INSYN2A: variants seen among roughly 807,000 people sequenced by gnomAD.
INSYN2A encodes the protein inhibitory synaptic factor 2A.
Under a neutral mutation model 39.4 loss-of-function variants are expected in INSYN2A, and 17 were observed. The observed-to-expected ratio is 0.43, with a 90% CI of 0.30 to 0.65. The LOEUF (loss-of-function observed/expected upper bound fraction) is 0.65. Among genes scored for constraint, INSYN2A ranks in the 30% least tolerant of loss-of-function variants. The probability of loss-of-function intolerance (pLI) is 0.14; values close to 1 mark genes in which losing one functional copy is unlikely to be tolerated. For synonymous variants in INSYN2A, 255 were observed against 265.7 expected, an observed-to-expected ratio of 0.96 and a Z score of 0.39; for missense variants, 595 against 631.2, an observed-to-expected ratio of 0.94 and a Z score of 0.61.
intron 2 of INSYN2A, among the ~76,000 whole-genome samples, chr10:127,192,160 T>A (rs1176646212): frequency 6.6e-6 from 1 of 152,224 alleles, no homozygotes; most frequent in Non-Finnish European, 1.5e-5. Flanking sequence ...TTTCTTTTTT[T>A]GCTCAAACTT....
chr10:127,156,552 TC>T (rs2053078594), intron 4 of INSYN2A, among the ~76,000 whole-genome samples: 2 of 96,008 alleles, frequency 2.1e-5, no homozygotes, highest in African/African-American at 3.8e-5. Flanking sequence ...TTCTTCTTCT[TC>T]TTCTTCTTCT....
chr10:127,163,508 T>C (rs2053776330), intron 4 of INSYN2A, among the ~76,000 whole-genome samples: 1 of 152,092 alleles, frequency 6.6e-6, no homozygotes, highest in Admixed American at 6.6e-5. Context: ...AGAAATATCT[T>C]TTGAATAATG....
At chr10:127,147,215 G>A (rs1189681061) in intron 5 of INSYN2A, among the ~76,000 whole-genome samples, 1 of 152,170 alleles carries the variant, frequency 6.6e-6, no homozygotes, top group Non-Finnish European at 1.5e-5. Context: ...GGATTGTGGT[G>A]GACTGGGATG....
chr10:127,143,003 G>T (rs916553886), intron 5 of INSYN2A, among the ~76,000 whole-genome samples: 5 of 152,250 alleles, frequency 3.3e-5, no homozygotes, highest in African/African-American at 9.6e-5. Flanking sequence ...ACTGTGCTAG[G>T]CTTTGTAGTA....
rs1312149977 is a variant in INSYN2A at position 127,177,368 on chromosome 10, G to A, written c.-268-229C>T. Among the ~76,000 whole-genome samples the A allele has an allele frequency of 3.3e-5, 5 of 152,340 alleles. No homozygotes were observed. The East Asian group carries it at 9.6e-4, about 29-fold the overall frequency. On this transcript the variant is annotated intron_variant, in intron 2 of 5. Transcript: ENST00000522781. ...ACTCCTCTCGGGGAATACCAGTGGG[G>A]TAAAATGCCTTCACTTTATTAGGCG...
intron 4 of INSYN2A, among the ~76,000 whole-genome samples, chr10:127,157,127 A>C (rs2053161593): frequency 6.6e-6 from 1 of 152,184 alleles, no homozygotes; most frequent in African/African-American, 2.4e-5. Flanking sequence ...GATACTGCTG[A>C]GTGTTAAGGA....
chr10:127,151,369 G>T (rs558628147), intron 5 of INSYN2A, among the ~76,000 whole-genome samples: 1 of 152,256 alleles, frequency 6.6e-6, no homozygotes, highest in Admixed American at 6.5e-5. Context: ...ATATTACTCT[G>T]CAGACTGTCC....
chr10:127,176,133 A>G lies in INSYN2A; in HGVS notation c.263T>C (p.Met88Thr), dbSNP rs1260706308. The part of the protein sequence containing the change: ...VSCRAAYRKY[M>T]TVPARRSIPN... Reference sequence around the variant, plus strand: ...GATGGACCTGCGTGCGGGCACTGTCATGTATTTGCGGTAGGCTGCTCTGCA... The same window carrying G: ...GATGGACCTGCGTGCGGGCACTGTCGTGTATTTGCGGTAGGCTGCTCTGCA... The change falls in exon 4 of 6, where the codon ATG (methionine) becomes ACG (threonine). Residue 88 changes from methionine to threonine, a missense_variant. Physicochemically the swap from Met to Thr is moderately conservative, Grantham distance 81 (BLOSUM62 -1). Transcript: ENST00000522781. The surrounding 1 kb of genome is among the most constrained non-coding windows in gnomAD (Gnocchi z 4.4). The G allele has an allele frequency of 6.2e-7, 1 of 1,613,806 alleles. No individual in the cohort carries two copies. Among genetic ancestry groups the G allele is most frequent in the Non-Finnish European group, 8.5e-7 (1 of 1,180,002 alleles).
chr10:127,190,799 C>T (rs2056696950), intron 2 of INSYN2A, among the ~76,000 whole-genome samples: 1 of 151,180 alleles, frequency 6.6e-6, no homozygotes, highest in African/African-American at 2.4e-5. Flanking sequence ...GACTTGTCTG[C>T]CAGAAGGTTT....
chr10:127,140,638 A>AAGTCTCTGGGCTGAGTTTGACACACCG (rs2051144524), intron 5 of INSYN2A, among the ~76,000 whole-genome samples: 2 of 147,056 alleles, frequency 1.4e-5, no homozygotes, highest in South Asian at 4.6e-4. Flanking sequence ...TTGACACACC[A>AAGTCTCTGGGCTGAGTTTGACACACCG]AGTCTCTGGG....
At chr10:127,168,298 C>T (rs963664363) in intron 4 of INSYN2A, among the ~76,000 whole-genome samples, 1 of 152,168 alleles carries the variant, frequency 6.6e-6, no homozygotes, top group African/African-American at 2.4e-5. Context: ...AGAGAGACAT[C>T]GAAACTGATT....
chr10:127,144,058 A>G (rs1051002842), intron 5 of INSYN2A, among the ~76,000 whole-genome samples: 2 of 151,996 alleles, frequency 1.3e-5, no homozygotes, highest in East Asian at 3.9e-4. Flanking sequence ...TACCCTCAGA[A>G]CACCCGGTGT....
chr10:127,168,484 C>T (rs1382242525), intron 4 of INSYN2A, among the ~76,000 whole-genome samples: 1 of 152,218 alleles, frequency 6.6e-6, no homozygotes, highest in African/African-American at 2.4e-5. Flanking sequence ...CTGGCCAGAG[C>T]CAGGGAACAC....
At chr10:127,156,470 G>A (rs2053056604) in intron 4 of INSYN2A, among the ~76,000 whole-genome samples, 1 of 151,590 alleles carries the variant, frequency 6.6e-6, no homozygotes, top group South Asian at 2.1e-4. Flanking sequence ...GGACCTTGGA[G>A]TACTTCAGTA....
intron 4 of INSYN2A, among the ~76,000 whole-genome samples, chr10:127,156,781 T>C (rs1486662481): frequency 1.3e-5 from 2 of 152,096 alleles, no homozygotes; most frequent in Non-Finnish European, 2.9e-5. Context: ...TTGGTCAGGC[T>C]GGTCTTGAAC....
chr10:127,190,426 A>G (rs186529156), intron 2 of INSYN2A, among the ~76,000 whole-genome samples: 20 of 152,238 alleles, frequency 1.3e-4, no homozygotes, highest in Non-Finnish European at 2.8e-4. Flanking sequence ...GTTGGTAGCA[A>G]AATCACTGGC....
At chr10:127,172,026 T>G (rs142957481) in intron 4 of INSYN2A, among the ~76,000 whole-genome samples, 1 of 152,214 alleles carries the variant, frequency 6.6e-6, no homozygotes, top group Non-Finnish European at 1.5e-5. Context: ...TTTAACTTGG[T>G]CATTTGAGTT....
At chr10:127,184,797 G>A (rs2056076019) in intron 2 of INSYN2A, among the ~76,000 whole-genome samples, 1 of 152,096 alleles carries the variant, frequency 6.6e-6, no homozygotes, top group African/African-American at 2.4e-5. Flanking sequence ...CCTTCCTCAT[G>A]GATAGTCTGT....
chr10:127,154,060 A>G lies in INSYN2A; in HGVS notation c.1185-137T>C, dbSNP rs2052780859. 4 of 649,002 alleles carry G rather than the reference A, an allele frequency of 6.2e-6. No homozygotes were observed. In the South Asian group the frequency reaches 7.4e-5, roughly 12 times the overall value. 40.2% of individuals were successfully genotyped at this position (649,002 alleles called of 1,614,324 possible). A position where few individuals can be genotyped will look rare whatever the true frequency, so the allele number is the denominator to read the frequency against. ...GGAAATTGATTAATGCATGCTTCCCAGTTTGCTCCTGTCTCTGCTTTCGTT... is the reference window on the plus strand; with the variant it reads ...GGAAATTGATTAATGCATGCTTCCCGGTTTGCTCCTGTCTCTGCTTTCGTT... On this transcript the variant is annotated intron_variant, in intron 4 of 5. Coordinates refer to ENST00000522781, the MANE Select transcript of INSYN2A (RefSeq NM_001039762.3).
Sources: gnomAD v4.1 joint callset for allele counts (sites outside exome capture counted in the v4.1 genomes callset) on GRCh38, gnomAD v4.1.1 for gene constraint, Gnocchi (gnomAD v3.1) non-coding constraint, MANE v1.5 for transcripts, NCBI Gene and HGNC (gene_info 2026-07-23, HGNC 2026-07-21) for gene names.